ERCC8: variants seen among roughly 807,000 people sequenced by gnomAD.
ERCC8 encodes the protein DNA excision repair protein ERCC-8.
A neutral mutation model predicts 54.9 loss-of-function variants in ERCC8; 52 were observed. The ratio of observed to expected loss-of-function variants is 0.95; its 90% CI spans 0.76 to 1.19. The LOEUF is 1.19. ERCC8 is among the 50% of genes most tolerant of loss of function. The probability of loss-of-function intolerance (pLI) is 0.00; values close to 1 mark genes in which losing one functional copy is unlikely to be tolerated. For synonymous variants in ERCC8, 146 were observed against 157.2 expected (o/e 0.93, Z 0.53); for missense variants, 514 against 466.1 (o/e 1.10, Z -0.95).
At chr5:60,926,137 A>C (rs1312433623) in intron 2 of ERCC8, among the ~76,000 whole-genome samples, 2 of 152,134 alleles carry the variant, frequency 1.3e-5, no homozygotes, top group Non-Finnish European at 2.9e-5. Flanking sequence ...TCATCTTTCA[A>C]GAATGGCACC....
intron 3 of ERCC8, 125 bp from the exon 4 acceptor site, chr5:60,918,513 T>C (rs550375231): frequency 1.0e-5 from 8 of 784,092 alleles, no homozygotes; most frequent in East Asian, 2.6e-5. Flanking sequence ...ATCACATGCC[T>C]GTGTCCAAGC....
Position 60,887,374 on chromosome 5 carries a change from A to G in ERCC8, c.1122+66T>C, listed in dbSNP as rs956336505. On this transcript the variant is annotated intron_variant, in intron 11 of 11. Coordinates refer to ENST00000676185, the MANE Select transcript of ERCC8 (RefSeq NM_000082.4). ...AATGCTTTAAAAGTCTCTCTCACAT[A>G]AAGTAACAAAACATTATTTCTTAAG... 5 of 1,338,484 alleles carry G rather than the reference A, an allele frequency of 3.7e-6. No homozygotes were observed. The African/African-American group carries it at 4.3e-5, about 12-fold the overall frequency. 82.9% of individuals were successfully genotyped at this position (1,338,484 alleles called of 1,614,324 possible).
chr5:60,899,007 C>T (rs1748798536), intron 8 of ERCC8, among the ~76,000 whole-genome samples: 1 of 143,124 alleles, frequency 7.0e-6, no homozygotes, highest in South Asian at 2.2e-4. Context: ...CTATATAAAA[C>T]CTATGATTGT....
At chr5:60,923,136 T>C (rs1002880834) in intron 2 of ERCC8, among the ~76,000 whole-genome samples, 1 of 152,102 alleles carries the variant, frequency 6.6e-6, no homozygotes, top group Non-Finnish European at 1.5e-5. Flanking sequence ...GCTAAAAAAT[T>C]AGCAGTATCT....
At chr5:60,889,858 T>C (rs1748498134) in intron 10 of ERCC8, among the ~76,000 whole-genome samples, 1 of 152,118 alleles carries the variant, frequency 6.6e-6, no homozygotes, top group South Asian at 2.1e-4. Context: ...ACACTAAAAA[T>C]GTTTAACAAA....
rs1402638169 is a variant in ERCC8 at position 60,872,958 on chromosome 5, T to C, written c.*1657A>G. On this transcript the variant is annotated 3_prime_UTR_variant, in exon 12 of 12. Coordinates refer to ENST00000676185, the MANE Select transcript of ERCC8 (RefSeq NM_000082.4). ...ATGGATAAAGAAAATGTAGTACATA[T>C]ACACAAACAGCTGATCTCATAGAAG... Among the ~76,000 whole-genome samples the C allele has an allele frequency of 6.6e-6, 1 of 152,162 alleles. No individual in the cohort carries two copies. The highest frequency in any genetic ancestry group is 2.1e-4 in the South Asian group (1 of 4,832).
At chr5:60,886,354 T>G (rs972775995) in intron 11 of ERCC8, among the ~76,000 whole-genome samples, 1 of 152,196 alleles carries the variant, frequency 6.6e-6, no homozygotes, top group South Asian at 2.1e-4. Context: ...CGAAAGGCAC[T>G]GTCAGACTGC....
intron 3 of ERCC8, chr5:60,919,565 T>C (rs1222764636): frequency 2.0e-5 from 3 of 152,030 alleles, no homozygotes; most frequent in Non-Finnish European, 4.4e-5. Context: ...ACAAGAACTA[T>C]AGTGCCTACT....
At chr5:60,901,338 A>C (rs965699644) in intron 7 of ERCC8, among the ~76,000 whole-genome samples, 1 of 151,878 alleles carries the variant, frequency 6.6e-6, no homozygotes, top group Non-Finnish European at 1.5e-5. Flanking sequence ...AAAATTGTTA[A>C]GTCTCTTTCA....
Position 60,874,563 on chromosome 5 carries a change from C to G in ERCC8, c.*52G>C. On this transcript the variant is annotated 3_prime_UTR_variant, in exon 12 of 12. Transcript: ENST00000676185. ...ATAGACCATACAGTTGAAAAAAACA[C>G]AGTCTCATTTAAAAAGTTTCAGCAG... 2 of 1,502,524 alleles carry G rather than the reference C, an allele frequency of 1.3e-6. No homozygotes were observed. The highest frequency in any genetic ancestry group is 1.8e-6 in the Non-Finnish European group (2 of 1,082,396). The allele number at this position is 1,502,524 out of a possible 1,614,324, so 93.1% of individuals were successfully genotyped here. A position where few individuals can be genotyped will look rare whatever the true frequency, so the allele number is the denominator to read the frequency against.
chr5:60,904,281 G>A (rs542560062), intron 5 of ERCC8, among the ~76,000 whole-genome samples: 1 of 152,076 alleles, frequency 6.6e-6, no homozygotes, highest in Admixed American at 6.6e-5. Context: ...GACTCACATG[G>A]TGCCAAAGAA....
intron 1 of ERCC8, among the ~76,000 whole-genome samples, chr5:60,931,119 C>CAA (rs781129159): frequency 6.0e-5 from 7 of 115,926 alleles, no homozygotes; most frequent in African/African-American, 6.5e-5. Flanking sequence ...GACTCCGTCT[C>CAA]AAAAAAAAAA....
chr5:60,875,575 G>T (rs935545751), intron 11 of ERCC8, among the ~76,000 whole-genome samples: 11 of 152,180 alleles, frequency 7.2e-5, no homozygotes, highest in African/African-American at 2.4e-4. Flanking sequence ...AGCCAGGTTT[G>T]CTTCTTTTTG....
At chr5:60,909,278 A>AAAAAAAAAAAAAAAG (rs1749180489) in intron 4 of ERCC8, among the ~76,000 whole-genome samples, 1 of 120,654 alleles carries the variant, frequency 8.3e-6, no homozygotes, top group Non-Finnish European at 1.8e-5. Context: ...AAAAAAAAAA[A>AAAAAAAAAAAAAAAG]GCCACAAAGG....
intron 1 of ERCC8, among the ~76,000 whole-genome samples, chr5:60,933,472 C>A (rs923032734): frequency 1.3e-5 from 2 of 152,138 alleles, no homozygotes; most frequent in African/African-American, 4.8e-5. Context: ...ACCTCCTTGG[C>A]CTCCCAAAGT....
At chr5:60,902,639 A>G in intron 6 of ERCC8, 131 bp from the exon 7 acceptor site, 1 of 737,058 alleles carries the variant, frequency 1.4e-6, no homozygotes, top group Non-Finnish European at 2.5e-6. Flanking sequence ...ACCATTTTTC[A>G]GATTTATAAT....
chr5:60,873,395 C>T lies in ERCC8; in HGVS notation c.*1220G>A, dbSNP rs1386792971. Among the ~76,000 whole-genome samples, 1 of 152,192 alleles carries T rather than the reference C, an allele frequency of 6.6e-6. No homozygotes were observed. Among genetic ancestry groups the T allele is most frequent in the Non-Finnish European group, 1.5e-5 (1 of 68,044 alleles). The stretch of plus-strand genomic sequence containing the variant: ...ATACACTTAAAAACTCAACAACTGG[C>T]TGGGTGCAGTGGCTCAAGCTTATAA... On this transcript the variant is annotated 3_prime_UTR_variant, in exon 12 of 12. Transcript: ENST00000676185.
At chr5:60,925,962 T>A (rs1749736009) in intron 2 of ERCC8, among the ~76,000 whole-genome samples, 1 of 152,162 alleles carries the variant, frequency 6.6e-6, no homozygotes, top group Non-Finnish European at 1.5e-5. Context: ...TAGCTGGGAT[T>A]ACGGGCACGC....
chr5:60,913,240 T>A (rs1016158282), intron 4 of ERCC8, among the ~76,000 whole-genome samples: 31 of 152,158 alleles, frequency 2.0e-4, no homozygotes, highest in Admixed American at 2.0e-3. Context: ...TTTTGGTTGG[T>A]AGGCTATTAA....
Sources: allele counts gnomAD v4.1 joint callset (sites outside exome capture counted in the v4.1 genomes callset), GRCh38; gene constraint gnomAD v4.1.1; transcripts MANE v1.5; gene names NCBI Gene and HGNC (gene_info 2026-07-23, HGNC 2026-07-21).